TEAD4: variants seen among roughly 807,000 people sequenced by gnomAD.
TEAD4 encodes transcriptional enhancer factor TEF-3.
A neutral mutation model predicts 52.4 loss-of-function variants in TEAD4; 36 were observed. The ratio of observed to expected loss-of-function variants is 0.69; its 90% confidence interval spans 0.53 to 0.91. The LOEUF (loss-of-function observed/expected upper bound fraction) is 0.91, where lower values mean the gene tolerates loss of function less well. TEAD4 is among the 40% of genes least tolerant of loss of function. TEAD4 has a pLI of 0.00. For missense variants in TEAD4, 508 were observed against 583.9 expected, an observed-to-expected ratio of 0.87 and a Z score of 1.34; for synonymous variants, 220 against 231.0, an observed-to-expected ratio of 0.95 and a Z score of 0.43.
At chr12:3,031,014 C>T (rs1427347362) in intron 10 of TEAD4, among the ~76,000 whole-genome samples, 1 of 152,206 alleles carries the variant, frequency 6.6e-6, no homozygotes, top group Non-Finnish European at 1.5e-5. Flanking sequence ...GCATGTGCCT[C>T]CTGAGGACCT....
At chr12:2,974,207 T>A (rs137989655) in intron 2 of TEAD4, among the ~76,000 whole-genome samples, 266 of 152,264 alleles carry the variant, frequency 1.7e-3, no homozygotes, top group African/African-American at 5.8e-3. Flanking sequence ...CTCGCCATGT[T>A]GGCCAGGTTG....
chr12:2,962,238 C>G (rs1302128243), intron 2 of TEAD4, among the ~76,000 whole-genome samples: 3 of 146,196 alleles, frequency 2.1e-5, no homozygotes, highest in African/African-American at 7.5e-5. Flanking sequence ...GATTCTCCTG[C>G]CTCAGCCTCC....
chr12:2,965,377 C>G (rs2098219378), intron 2 of TEAD4, among the ~76,000 whole-genome samples: 1 of 151,884 alleles, frequency 6.6e-6, no homozygotes, highest in Admixed American at 6.6e-5. Context: ...CCAGGCAGAA[C>G]TCAAACTCCT....
intron 2 of TEAD4, among the ~76,000 whole-genome samples, chr12:2,984,921 T>C (rs1008817381): frequency 6.6e-6 from 1 of 152,112 alleles, no homozygotes; most frequent in African/African-American, 2.4e-5. Context: ...ACTGTAGGCT[T>C]GACTGTACAC....
intron 2 of TEAD4, among the ~76,000 whole-genome samples, chr12:2,961,679 C>G (rs2098215424): frequency 6.6e-6 from 1 of 152,112 alleles, no homozygotes; most frequent in African/African-American, 2.4e-5. Context: ...TCGATGTCTG[C>G]AGAGCCCCCA....
At chr12:2,995,382 A>G (rs1196202680) in intron 3 of TEAD4, among the ~76,000 whole-genome samples, 1 of 152,136 alleles carries the variant, frequency 6.6e-6, no homozygotes, top group Non-Finnish European at 1.5e-5. Context: ...CATTCATGCA[A>G]CAAACAGATG....
At chr12:3,018,636 C>G (rs369060986) in intron 7 of TEAD4, 48 bp downstream of exon 7, 1 of 1,612,646 alleles carries the variant, frequency 6.2e-7, no homozygotes, top group Non-Finnish European at 8.5e-7. Context: ...CTGAACTGAA[C>G]TTGAACCCAT....
chr12:3,038,460 C>T (rs1253592082), intron 11 of TEAD4, among the ~76,000 whole-genome samples: 2 of 152,240 alleles, frequency 1.3e-5, no homozygotes, highest in African/African-American at 2.4e-5. Context: ...AGGCCTCCCA[C>T]CAATCGCCCG....
intron 10 of TEAD4, among the ~76,000 whole-genome samples, chr12:3,035,458 T>C (rs1338494722): frequency 6.6e-6 from 1 of 152,210 alleles, no homozygotes; most frequent in Non-Finnish European, 1.5e-5. Context: ...GCACACAAAC[T>C]GTCCCCCAGG....
At chr12:2,981,480 G>C (rs1305892095) in intron 2 of TEAD4, among the ~76,000 whole-genome samples, 1 of 152,146 alleles carries the variant, frequency 6.6e-6, no homozygotes. Context: ...GAACCCTTCA[G>C]GGTAGAGGGG....
At chr12:2,985,181 G>A (rs879792142) in intron 2 of TEAD4, among the ~76,000 whole-genome samples, 4 of 151,766 alleles carry the variant, frequency 2.6e-5, no homozygotes, top group Admixed American at 1.3e-4. Context: ...TCAGGAGGTC[G>A]AGACCATCCT....
chr12:2,976,253 C>T (rs570971935), intron 2 of TEAD4, among the ~76,000 whole-genome samples: 18 of 152,136 alleles, frequency 1.2e-4, no homozygotes, highest in Non-Finnish European at 2.4e-4. Context: ...CTCAGATGAT[C>T]TGCCCACCTC....
intron 2 of TEAD4, among the ~76,000 whole-genome samples, chr12:2,992,939 T>C (rs959139699): frequency 1.3e-5 from 2 of 152,064 alleles, no homozygotes; most frequent in African/African-American, 2.4e-5. Context: ...TAGGGGAAGG[T>C]GGGGTTGTGA....
intron 2 of TEAD4, among the ~76,000 whole-genome samples, chr12:2,987,232 A>G (rs957470193): frequency 6.6e-6 from 1 of 152,172 alleles, no homozygotes; most frequent in Admixed American, 6.5e-5. Context: ...GGATCCCCCA[A>G]GGAGTCTGTT....
chr12:2,961,435 AT>A (rs1565517690), intron 2 of TEAD4, among the ~76,000 whole-genome samples: 1 of 151,798 alleles, frequency 6.6e-6, no homozygotes. Flanking sequence ...TTGCTCCTCC[AT>A]CCATCCTGAG....
intron 8 of TEAD4, among the ~76,000 whole-genome samples, chr12:3,019,917 C>T (rs1390324276): frequency 6.6e-6 from 1 of 152,226 alleles, no homozygotes; most frequent in African/African-American, 2.4e-5. Flanking sequence ...TCTGTCCACA[C>T]TGACCATGTC....
At chr12:3,020,814 C>T (rs771859029) in intron 9 of TEAD4, 41 bp downstream of exon 9, 26 of 1,500,090 alleles carry the variant, frequency 1.7e-5, no homozygotes, top group Non-Finnish European at 2.3e-5. Context: ...CTGGTCACCC[C>T]CTCTCCCTCT....
At chr12:3,004,873 G>T (rs192045039) in intron 3 of TEAD4, among the ~76,000 whole-genome samples, 1 of 152,266 alleles carries the variant, frequency 6.6e-6, no homozygotes, top group East Asian at 1.9e-4. Context: ...GAGCACCCCT[G>T]GTGGCAGGAA....
intron 2 of TEAD4, among the ~76,000 whole-genome samples, chr12:2,972,341 C>T (rs764700803): frequency 2.1e-4 from 32 of 152,108 alleles, no homozygotes; most frequent in Non-Finnish European, 3.4e-4. Flanking sequence ...CTCGGACCCT[C>T]AAAGTGCTTG....
Sources: gnomAD v4.1 joint callset for allele counts (sites outside exome capture counted in the v4.1 genomes callset) on GRCh38, gnomAD v4.1.1 for gene constraint, MANE v1.5 for transcripts, NCBI Gene and HGNC (gene_info 2026-07-23, HGNC 2026-07-21) for gene names.